Variants in COMMD10 observed in about 807,000 individuals in gnomAD.
COMMD10 encodes COMM domain containing 10.
A neutral mutation model predicts 28.9 loss-of-function variants in COMMD10; 33 were observed. The ratio of observed to expected loss-of-function variants is 1.14; its 90% CI spans 0.87 to 1.53. The LOEUF (loss-of-function observed/expected upper bound fraction) is 1.53. COMMD10 is among the 40% of genes most tolerant of loss of function. The probability of loss-of-function intolerance (pLI) is 0.00; values close to 1 mark genes in which losing one functional copy is unlikely to be tolerated. For missense variants in COMMD10, 310 were observed against 233.4 expected (o/e 1.33, Z -2.14); for synonymous variants, 110 against 81.7 (o/e 1.35, Z -1.87).
chr5:116,291,703 G>C (rs964866361), intron 6 of COMMD10, 127 bp downstream of exon 6: 1 of 549,674 alleles, frequency 1.8e-6, no homozygotes, highest in African/African-American at 2.0e-5. Context: ...CCTTATAAAA[G>C]ACCTTATGTT....
In COMMD10 at chr5:116,196,952, T is replaced by C. The variant is rs1444526386; in HGVS notation, c.510+62774T>C. On this transcript the variant is annotated intron_variant, in intron 5 of 6. Coordinates refer to ENST00000274458, the MANE Select transcript of COMMD10 (RefSeq NM_016144.4). ...GCTTAGGAGCATTTCTGTCGATGTA[T>C]TCCTATCTTTCAGTATGTGCTTACA... Among the ~76,000 whole-genome samples, 33 of 152,190 alleles carry C rather than the reference T, an allele frequency of 2.2e-4. 1 individual carries two copies. The highest frequency in any genetic ancestry group is 4.1e-4 in the South Asian group (2 of 4,832).
chr5:116,179,461 G>C (rs188641600), intron 5 of COMMD10, among the ~76,000 whole-genome samples: 2 of 152,200 alleles, frequency 1.3e-5, no homozygotes, highest in Admixed American at 1.3e-4. Flanking sequence ...CCACGAGCCT[G>C]TGTGGAATGG....
chr5:116,234,240 T>C (rs1371929368), intron 5 of COMMD10, among the ~76,000 whole-genome samples: 1 of 152,142 alleles, frequency 6.6e-6, no homozygotes, highest in Non-Finnish European at 1.5e-5. Flanking sequence ...AAATTCCTCA[T>C]AGAAATACTA....
chr5:116,272,364 G>A (rs1018155685), intron 5 of COMMD10, among the ~76,000 whole-genome samples: 4 of 151,918 alleles, frequency 2.6e-5, no homozygotes, highest in African/African-American at 7.3e-5. Flanking sequence ...TGTGATTAGA[G>A]GAATGAGCAG....
At chr5:116,160,410 A>C (rs1415484869) in intron 5 of COMMD10, among the ~76,000 whole-genome samples, 3 of 152,164 alleles carry the variant, frequency 2.0e-5, no homozygotes, top group Admixed American at 6.6e-5. Flanking sequence ...TTAGCATCCT[A>C]ATATCAGGTG....
rs1489709707 is a variant in COMMD10, at chr5:116,265,820, A to G, written c.511-25697A>G. Among the ~76,000 whole-genome samples, 3 of 151,756 alleles carry G rather than the reference A, an allele frequency of 2.0e-5. No individual in the cohort carries two copies. The East Asian group carries it at 5.8e-4, about 29-fold the overall frequency. Reference sequence around the variant, plus strand: ...AGTGATTTGAGAAGACTGGCTTAAAACACATGCAGTTCGACACCAGAGATG... The same window carrying G: ...AGTGATTTGAGAAGACTGGCTTAAAGCACATGCAGTTCGACACCAGAGATG... On this transcript the variant is annotated intron_variant, in intron 5 of 6. Transcript: ENST00000274458.
At chr5:116,239,589 T>G (rs17139251) in intron 5 of COMMD10, among the ~76,000 whole-genome samples, 8,050 of 152,208 alleles carry the variant, frequency 0.053, 293 homozygotes, top group East Asian at 0.14. Flanking sequence ...TTGCAGGTAA[T>G]GCCAACTTCC....
At position 116,191,597 on chromosome 5, in the gene COMMD10, T is replaced by C. The variant is rs909503374; in HGVS notation, c.510+57419T>C. Among the ~76,000 whole-genome samples the C allele has an allele frequency of 4.0e-5, 6 of 151,786 alleles. No homozygotes were observed. The East Asian group carries it at 1.2e-3, about 29-fold the overall frequency. ...TCCTAGGTACACAGCTCTAGTGACCTGGGAATCTCACCCCAACCCCCAACA... is the reference window on the plus strand; with the variant it reads ...TCCTAGGTACACAGCTCTAGTGACCCGGGAATCTCACCCCAACCCCCAACA... On this transcript the variant is annotated intron_variant, in intron 5 of 6. Transcript: ENST00000274458.
intron 4 of COMMD10, among the ~76,000 whole-genome samples, chr5:116,130,343 A>T (rs898022021): frequency 1.3e-5 from 2 of 151,870 alleles, no homozygotes; most frequent in Non-Finnish European, 1.5e-5. Flanking sequence ...AGATGGCAAA[A>T]AGCCCTAAGA....
At chr5:116,189,845 A>G (rs1748292701) in intron 5 of COMMD10, among the ~76,000 whole-genome samples, 9 of 152,170 alleles carry the variant, frequency 5.9e-5, no homozygotes, top group Admixed American at 5.9e-4. Flanking sequence ...CTTAAAGCAT[A>G]TTTTCAGTTG....
At chr5:116,173,756 C>G (rs944543039) in intron 5 of COMMD10, among the ~76,000 whole-genome samples, 50 of 152,160 alleles carry the variant, frequency 3.3e-4, no homozygotes, top group Non-Finnish European at 6.8e-4. Flanking sequence ...CACATACTAA[C>G]TGCAGAAGCC....
At chr5:116,178,198 A>G (rs953653120) in intron 5 of COMMD10, among the ~76,000 whole-genome samples, 5 of 152,252 alleles carry the variant, frequency 3.3e-5, no homozygotes, top group Middle Eastern at 3.4e-3. Flanking sequence ...GAGTTGAGAT[A>G]GAAACCACTT....
At chr5:116,229,854 A>C (rs1293822946) in intron 5 of COMMD10, among the ~76,000 whole-genome samples, 2 of 151,216 alleles carry the variant, frequency 1.3e-5, no homozygotes, top group East Asian at 1.9e-4. Context: ...AGATGAAAAA[A>C]CCCCCAGCAA....
intron 5 of COMMD10, among the ~76,000 whole-genome samples, chr5:116,146,754 A>C (rs1164459259): frequency 1.3e-5 from 2 of 151,886 alleles, no homozygotes; most frequent in East Asian, 3.9e-4. Context: ...AGAGGAAGTT[A>C]AACTTATATG....
chr5:116,142,137 T>A (rs1327824092), intron 5 of COMMD10, among the ~76,000 whole-genome samples: 1 of 151,902 alleles, frequency 6.6e-6, no homozygotes, highest in African/African-American at 2.4e-5. Flanking sequence ...CATAAACTTT[T>A]TCTCCAGTCT....
chr5:116,102,454 T>C (rs1222201091), intron 4 of COMMD10, among the ~76,000 whole-genome samples: 1 of 152,210 alleles, frequency 6.6e-6, no homozygotes, highest in Admixed American at 6.5e-5. Context: ...TTTTGGTTAT[T>C]ATAGCCTTGC....
chr5:116,249,258 G>A (rs1466632264), intron 5 of COMMD10, among the ~76,000 whole-genome samples: 1 of 151,784 alleles, frequency 6.6e-6, no homozygotes, highest in Admixed American at 6.6e-5. Context: ...ACAGGATTGA[G>A]GTATGCCCTC....
intron 1 of COMMD10, 103 bp from the exon 2 acceptor site, chr5:116,087,394 A>G (rs1750140535): frequency 7.0e-6 from 5 of 718,942 alleles, no homozygotes; most frequent in Non-Finnish European, 1.2e-5. Flanking sequence ...GATTTACCAT[A>G]TAGCATTCAG....
At chr5:116,142,371 T>C (rs998383751) in intron 5 of COMMD10, among the ~76,000 whole-genome samples, 6 of 151,842 alleles carry the variant, frequency 4.0e-5, no homozygotes, top group Admixed American at 1.3e-4. Context: ...TCTTTGTGAA[T>C]ATATACTTAG....
Sources: allele counts gnomAD v4.1 joint callset (sites outside exome capture counted in the v4.1 genomes callset), GRCh38; gene constraint gnomAD v4.1.1; transcripts MANE v1.5; gene names NCBI Gene and HGNC (gene_info 2026-07-23, HGNC 2026-07-21).